RBFOX1: variants seen among roughly 807,000 people sequenced by gnomAD.
The protein encoded by RBFOX1 is RNA binding fox-1 homolog 1, also known as RNA binding protein fox-1 homolog 1.
RBFOX1 carries 8 observed loss-of-function variants against 57.7 expected under a neutral mutation model. The ratio of observed to expected loss-of-function variants is 0.14; its 90% confidence interval spans 0.08 to 0.25. RBFOX1 has a LOEUF of 0.25. RBFOX1 is among the 10% of genes least tolerant of loss of function. The pLI, the probability that RBFOX1 is intolerant of heterozygous loss-of-function variation, is 1.00. For synonymous variants in RBFOX1, 326 were observed against 222.4 expected, an observed-to-expected ratio of 1.47 and a Z score of -4.15; for missense variants, 611 against 548.5, an observed-to-expected ratio of 1.11 and a Z score of -1.14.
intron 3 of RBFOX1, among the ~76,000 whole-genome samples, chr16:6,888,145 T>G (rs2064559903): frequency 1.3e-5 from 2 of 152,142 alleles, no homozygotes; most frequent in Non-Finnish European, 2.9e-5. Flanking sequence ...TATTTAGGAT[T>G]TAAGAACAGT....
chr16:5,398,385 A>G (rs1482084967), intron 1 of RBFOX1, among the ~76,000 whole-genome samples: 3 of 151,390 alleles, frequency 2.0e-5, no homozygotes, highest in East Asian at 1.9e-4. Context: ...GCTTGTGTGT[A>G]TGCATGTGAG....
chr16:6,638,207 C>G (rs1339264595), intron 2 of RBFOX1, among the ~76,000 whole-genome samples: 2 of 152,118 alleles, frequency 1.3e-5, no homozygotes, highest in Admixed American at 6.6e-5. Context: ...TGAAAGGAAA[C>G]TTGGCATTTG....
intron 4 of RBFOX1, among the ~76,000 whole-genome samples, chr16:7,203,665 C>G (rs755787296): frequency 2.3e-4 from 35 of 152,308 alleles, no homozygotes; most frequent in East Asian, 5.8e-4. Context: ...TAGGGTCCCT[C>G]TATGTGTGAG....
chr16:6,794,200 C>A (rs375135704), intron 3 of RBFOX1, among the ~76,000 whole-genome samples: 7 of 151,580 alleles, frequency 4.6e-5, no homozygotes, highest in Non-Finnish European at 7.4e-5. Flanking sequence ...TGCGGGATTA[C>A]TGGGAGAAGG....
intron 1 of RBFOX1, among the ~76,000 whole-genome samples, chr16:6,201,389 C>T (rs2097214225): frequency 6.6e-6 from 1 of 152,106 alleles, no homozygotes; most frequent in African/African-American, 2.4e-5. Context: ...TACTGTTCCC[C>T]AGAGTGGCTA....
chr16:6,816,754 G>C (rs916924480), intron 3 of RBFOX1, among the ~76,000 whole-genome samples: 81 of 143,782 alleles, frequency 5.6e-4, no homozygotes, highest in African/African-American at 2.1e-3. Flanking sequence ...AAAAAAAAAA[G>C]GAAGAAAAGA....
At chr16:5,835,629 G>T (rs964312970) in intron 3 of RBFOX1, among the ~76,000 whole-genome samples, 10 of 152,176 alleles carry the variant, frequency 6.6e-5, no homozygotes, top group Non-Finnish European at 1.2e-4. Context: ...GTTTCTGCAG[G>T]ATTCTGAAGC....
intron 3 of RBFOX1, among the ~76,000 whole-genome samples, chr16:6,806,574 C>A (rs75482105): frequency 0.029 from 4,413 of 151,738 alleles, 209 homozygotes; most frequent in South Asian, 0.15. Context: ...TTTTAAAGAG[C>A]CTGAACTAGT....
intron 4 of RBFOX1, among the ~76,000 whole-genome samples, chr16:7,423,965 A>T (rs959146975): frequency 4.6e-5 from 7 of 152,316 alleles, no homozygotes; most frequent in Non-Finnish European, 7.4e-5. Flanking sequence ...ACCTTGAAGC[A>T]TCCAAAAGCT....
At chr16:7,380,823 T>A (rs111680295) in intron 4 of RBFOX1, among the ~76,000 whole-genome samples, 1 of 152,254 alleles carries the variant, frequency 6.6e-6, no homozygotes, top group Non-Finnish European at 1.5e-5. Flanking sequence ...TCAGATTTCA[T>A]AGAAGCAGGG....
intron 2 of RBFOX1, among the ~76,000 whole-genome samples, chr16:6,538,291 A>G (rs2096762713): frequency 6.6e-6 from 1 of 152,142 alleles, no homozygotes; most frequent in Non-Finnish European, 1.5e-5. Flanking sequence ...AGAGTTTTAT[A>G]CCAGCCTGGG....
chr16:7,284,526 C>G (rs770172179), intron 4 of RBFOX1, among the ~76,000 whole-genome samples: 7 of 152,108 alleles, frequency 4.6e-5, no homozygotes, highest in Non-Finnish European at 8.8e-5. Flanking sequence ...AGATGAGGTC[C>G]TGCTATATTG....
chr16:7,419,147 G>T (rs140028481), intron 4 of RBFOX1, among the ~76,000 whole-genome samples: 3 of 152,032 alleles, frequency 2.0e-5, no homozygotes, highest in Non-Finnish European at 2.9e-5. Context: ...GGCTCAAGCA[G>T]TTCACCCACC....
At chr16:6,141,667 G>C (rs925086646) in intron 1 of RBFOX1, among the ~76,000 whole-genome samples, 12 of 151,716 alleles carry the variant, frequency 7.9e-5, no homozygotes, top group African/African-American at 2.9e-4. Context: ...ATTCTTTTCA[G>C]CCCTCTTTAA....
chr16:7,495,714 C>A (rs996907492), intron 4 of RBFOX1, among the ~76,000 whole-genome samples: 6 of 152,070 alleles, frequency 3.9e-5, no homozygotes, highest in Non-Finnish European at 7.4e-5. Context: ...GTCTCAGAAA[C>A]CTTTTTACAT....
intron 3 of RBFOX1, among the ~76,000 whole-genome samples, chr16:6,940,617 A>G (rs2078210324): frequency 6.6e-6 from 1 of 152,100 alleles, no homozygotes; most frequent in Non-Finnish European, 1.5e-5. Context: ...TTCTTTTTTG[A>G]GGCGGAGTCT....
chr16:6,040,137 C>A (rs1019753718), intron 1 of RBFOX1, among the ~76,000 whole-genome samples: 1 of 152,154 alleles, frequency 6.6e-6, no homozygotes, highest in East Asian at 1.9e-4. Context: ...TATTAAAGCC[C>A]ATAGTTTACA....
intron 4 of RBFOX1, among the ~76,000 whole-genome samples, chr16:7,394,728 A>G (rs2098113319): frequency 2.6e-5 from 4 of 152,182 alleles, no homozygotes; most frequent in South Asian, 2.1e-4. Flanking sequence ...CATGAATAAC[A>G]GCAGTTTGAA....
intron 1 of RBFOX1, among the ~76,000 whole-genome samples, chr16:5,415,583 T>A (rs941626087): frequency 3.9e-5 from 6 of 152,210 alleles, no homozygotes; most frequent in Admixed American, 6.5e-5. Flanking sequence ...GCTCTTAGGT[T>A]CTGAGTCTTG....
Sources: allele counts gnomAD v4.1 joint callset (sites outside exome capture counted in the v4.1 genomes callset), GRCh38; gene constraint gnomAD v4.1.1; transcripts MANE v1.5; gene names NCBI Gene and HGNC (gene_info 2026-07-23, HGNC 2026-07-21).